Variants in AHCTF1 observed in about 807,000 individuals in gnomAD.
AHCTF1 encodes the protein protein ELYS.
AHCTF1 carries 24 observed loss-of-function variants against 248.4 expected under a neutral mutation model. That is an observed-to-expected ratio of 0.10 (90% CI 0.07 to 0.14). The LOEUF (loss-of-function observed/expected upper bound fraction) is 0.14, where lower values mean the gene tolerates loss of function less well. Ranked by LOEUF, AHCTF1 falls within the 10% of genes least tolerant of loss-of-function variation. AHCTF1 has a pLI of 1.00. For missense variants in AHCTF1, 2,206 were observed against 2,636.2 expected (o/e 0.84, Z 3.57); for synonymous variants, 786 against 929.8 (o/e 0.85, Z 2.81).
At chr1:246,873,963 C>T (rs1175223180) in intron 24 of AHCTF1, among the ~76,000 whole-genome samples, 1 of 152,190 alleles carries the variant, frequency 6.6e-6, no homozygotes, top group Non-Finnish European at 1.5e-5. Flanking sequence ...ACTTACTACG[C>T]TGACATAAGA....
At chr1:246,895,200 T>C (rs931352774) in intron 13 of AHCTF1, among the ~76,000 whole-genome samples, 1 of 152,202 alleles carries the variant, frequency 6.6e-6, no homozygotes, top group Non-Finnish European at 1.5e-5. Context: ...AGGACATTAC[T>C]GGGATTTCAA....
chr1:246,876,515 T>C (rs1048573129), intron 23 of AHCTF1, among the ~76,000 whole-genome samples: 1 of 152,214 alleles, frequency 6.6e-6, no homozygotes, highest in Non-Finnish European at 1.5e-5. Flanking sequence ...GATTTTATCA[T>C]TTTACAGTTG....
At chr1:246,868,658 G>T (rs914740554) in intron 24 of AHCTF1, among the ~76,000 whole-genome samples, 1 of 151,476 alleles carries the variant, frequency 6.6e-6, no homozygotes, top group African/African-American at 2.4e-5. Context: ...CTAGAAGTTG[G>T]ACATGTGCCT....
At chr1:246,865,989 T>C (rs1341490273) in intron 26 of AHCTF1, among the ~76,000 whole-genome samples, 1 of 152,146 alleles carries the variant, frequency 6.6e-6, no homozygotes, top group African/African-American at 2.4e-5. Context: ...AAAGAATGCA[T>C]CCTATATCAC....
intron 17 of AHCTF1, among the ~76,000 whole-genome samples, chr1:246,889,311 G>A (rs1041602405): frequency 6.6e-6 from 1 of 151,786 alleles, no homozygotes; most frequent in African/African-American, 2.4e-5. Context: ...ATTGTGAATA[G>A]CGGCAGCACT....
At chr1:246,871,363 A>G (rs1318091147) in intron 24 of AHCTF1, among the ~76,000 whole-genome samples, 1 of 152,244 alleles carries the variant, frequency 6.6e-6, no homozygotes, top group Non-Finnish European at 1.5e-5. Flanking sequence ...AAGGTGTGCC[A>G]GATCCTTACT....
chr1:246,908,723 TAAA>T (rs35110822), intron 4 of AHCTF1, among the ~76,000 whole-genome samples: 9 of 106,850 alleles, frequency 8.4e-5, no homozygotes, highest in Admixed American at 9.8e-5. Context: ...CAGTCTCTAC[TAAA>T]AAAAAAAAAA....
intron 1 of AHCTF1, among the ~76,000 whole-genome samples, chr1:246,929,318 A>G (rs1345483875): frequency 1.3e-5 from 2 of 152,206 alleles, no homozygotes; most frequent in East Asian, 3.8e-4. Flanking sequence ...CTGAGGCACA[A>G]GAATCGCTTG....
intron 1 of AHCTF1, among the ~76,000 whole-genome samples, chr1:246,926,940 T>A (rs564455937): frequency 1.4e-4 from 21 of 151,410 alleles, no homozygotes; most frequent in African/African-American, 4.9e-4. Context: ...TTTGGGAGGC[T>A]AAGGCGGGCG....
chr1:246,873,905 C>T (rs992650330), intron 24 of AHCTF1, among the ~76,000 whole-genome samples: 8 of 152,214 alleles, frequency 5.3e-5, no homozygotes, highest in Admixed American at 3.3e-4. Flanking sequence ...AACTATTCAA[C>T]GATAGGTGAA....
intron 21 of AHCTF1, among the ~76,000 whole-genome samples, chr1:246,884,658 T>C (rs1663686757): frequency 1.2e-5 from 1 of 82,430 alleles, no homozygotes; most frequent in African/African-American, 4.8e-5. Flanking sequence ...ACAGTTACTA[T>C]GTGAGACTGT....
intron 16 of AHCTF1, 114 bp from the exon 17 acceptor site, chr1:246,890,173 G>C: frequency 4.4e-6 from 3 of 676,178 alleles, no homozygotes; most frequent in Non-Finnish European, 7.3e-6. Flanking sequence ...TTAACCCACA[G>C]GGTGGGTATA....
chr1:246,894,670 A>C lies in AHCTF1; in HGVS notation c.1793T>G (p.Phe598Cys), dbSNP rs1450503476. Residue 598 changes from phenylalanine (F) to cysteine (C), a missense_variant, in exon 14 of 36, where the codon TTT becomes TGT. Phe to Cys is a radical substitution (Grantham distance 205). Around this residue, in one of 6 missense-constraint regions of AHCTF1, gnomAD observed 650 missense variants for 870.8 expected, o/e 0.75. Coordinates refer to ENST00000648844, the MANE Select transcript of AHCTF1 (RefSeq NM_001323342.2). ...WNKVVLTKEE[F>C]DRLCVPLFDG... is the part of the protein sequence containing the mutation. ...CCTCTAATACTTACATAGTCTGTCA[A>C]ATTCCTCTTTTGTGAGAACCACTTT... 1 of 1,612,460 alleles carries C rather than the reference A, an allele frequency of 6.2e-7. No individual in the cohort carries two copies. Among genetic ancestry groups the C allele is most frequent in the Admixed American group, 1.7e-5 (1 of 60,020 alleles).
At chr1:246,867,902 CACACA>C (rs1202407145) in intron 24 of AHCTF1, 91 bp from the exon 25 acceptor site, 11,058 of 256,878 alleles carry the variant, frequency 0.043, 92 homozygotes, top group East Asian at 0.085. Flanking sequence ...CCCCCCCCCC[CACACA>C]CACACACACA....
At chr1:246,902,724 T>A (rs1184377997) in intron 7 of AHCTF1, 49 bp from the exon 8 acceptor site, 6 of 1,480,088 alleles carry the variant, frequency 4.1e-6, no homozygotes, top group Non-Finnish European at 5.4e-6. Context: ...AGGCAAAAAG[T>A]CACTCTAAAA....
At chr1:246,884,105 T>C (rs575089279) in intron 21 of AHCTF1, among the ~76,000 whole-genome samples, 43 of 152,332 alleles carry the variant, frequency 2.8e-4, no homozygotes, top group African/African-American at 8.9e-4. Flanking sequence ...AACCCAGTAC[T>C]AGAACTCTTA....
chr1:246,867,855 C>T (rs367665479), intron 24 of AHCTF1, 44 bp from the exon 25 acceptor site: 267 of 1,452,806 alleles, frequency 1.8e-4, no homozygotes, highest in Admixed American at 5.3e-4. Flanking sequence ...CTCTAACAAA[C>T]GGGAATTTAA....
intron 29 of AHCTF1, among the ~76,000 whole-genome samples, chr1:246,860,353 G>A (rs954411511): frequency 5.9e-5 from 9 of 152,152 alleles, no homozygotes; most frequent in African/African-American, 2.2e-4. Flanking sequence ...GTCAGACTAT[G>A]GCATCTTACA....
chr1:246,931,280 C>A (rs1214358555), intron 1 of AHCTF1: 2 of 1,548,278 alleles, frequency 1.3e-6, no homozygotes, highest in African/African-American at 1.4e-5. Context: ...GTAAAGGGAC[C>A]CGACTGCCGG....
Sources: gnomAD v4.1 joint callset for allele counts (sites outside exome capture counted in the v4.1 genomes callset) on GRCh38, gnomAD v4.1.1 for gene constraint, gnomAD v4.1.1 regional missense constraint, MANE v1.5 for transcripts, NCBI Gene and HGNC (gene_info 2026-07-23, HGNC 2026-07-21) for gene names.